Variants in CALN1 observed in about 807,000 individuals in gnomAD.
CALN1 encodes the protein calneuron 1.
Under a neutral mutation model 30.6 loss-of-function variants are expected in CALN1, and 17 were observed. The observed-to-expected ratio is 0.56, with a 90% confidence interval of 0.38 to 0.83. The LOEUF is 0.83. Among genes scored for constraint, CALN1 ranks in the 40% least tolerant of loss-of-function variants. CALN1 has a pLI of 0.00. For missense variants in CALN1, 291 were observed against 354.9 expected, an observed-to-expected ratio of 0.82 and a Z score of 1.45; for synonymous variants, 156 against 131.4, an observed-to-expected ratio of 1.19 and a Z score of -1.28.
chr7:72,473,334 A>G, the CALN1 span, among the ~76,000 whole-genome samples: 1 of 151,790 alleles, frequency 6.6e-6, no homozygotes, highest in African/African-American at 2.4e-5. Flanking sequence ...CTGAGCTGTG[A>G]TACTCCCTTT....
intron 2 of CALN1, among the ~76,000 whole-genome samples, chr7:72,371,157 C>T (rs1391701664): frequency 2.6e-5 from 4 of 151,528 alleles, no homozygotes; most frequent in South Asian, 2.1e-4. Context: ...ATTTGCCTAA[C>T]CTAGGGTTGC....
rs184864448 is a variant in CALN1 at position 71,876,489 on chromosome 7, T to C, written c.502-65997A>G. On this transcript the variant is annotated intron_variant, in intron 5 of 6. Transcript: ENST00000395275. ...GCCAAATAAACTTTTCTTGATAAAT[T>C]ATCCAGTCTCAGCTATTCTGTTATA... is the stretch of plus-strand genomic sequence containing the variant. Among the ~76,000 whole-genome samples, 14 of 152,334 alleles carry C rather than the reference T, an allele frequency of 9.2e-5. No individual in the cohort carries two copies. The East Asian group carries it at 2.7e-3, about 29-fold the overall frequency.
chr7:71,830,690 C>T lies in CALN1; in HGVS notation c.502-20198G>A, dbSNP rs143901258. Reference sequence around the variant, plus strand: ...TAGTAATAAACTGAGAAAAAGTCCTCGAACTTGGTTCTTACTCAGATACCA... The same window carrying T: ...TAGTAATAAACTGAGAAAAAGTCCTTGAACTTGGTTCTTACTCAGATACCA... On this transcript the variant is annotated intron_variant, in intron 5 of 6. Transcript: ENST00000395275. Among the ~76,000 whole-genome samples the T allele has an allele frequency of 1.8e-4, 28 of 152,256 alleles. No homozygotes were observed. In the East Asian group the frequency reaches 1.9e-3, roughly 11 times the overall value.
intron 3 of CALN1, among the ~76,000 whole-genome samples, chr7:72,219,941 A>AT (rs1793152396): frequency 6.6e-6 from 1 of 152,174 alleles, no homozygotes; most frequent in Admixed American, 6.6e-5. Context: ...TTAGCCTCCT[A>AT]TAAAAAAAAA....
chr7:72,431,977 T>G (rs776982623), intron 1 of CALN1, among the ~76,000 whole-genome samples: 1 of 152,188 alleles, frequency 6.6e-6, no homozygotes, highest in Admixed American at 6.5e-5. Flanking sequence ...CTTGCCATCA[T>G]GAACTGTGAG....
intron 2 of CALN1, among the ~76,000 whole-genome samples, chr7:72,394,732 G>A (rs1229595004): frequency 6.7e-6 from 1 of 150,204 alleles, no homozygotes; most frequent in East Asian, 2.0e-4. Flanking sequence ...CGCAATCGTA[G>A]CTCACTGCAG....
intron 2 of CALN1, among the ~76,000 whole-genome samples, chr7:72,375,109 A>G (rs1382326359): frequency 6.6e-6 from 1 of 152,336 alleles, no homozygotes; most frequent in East Asian, 1.9e-4. Flanking sequence ...TTATTGCTGC[A>G]TAAAAAATTA....
chr7:72,116,320 C>G (rs1033329954), intron 3 of CALN1, among the ~76,000 whole-genome samples: 2 of 152,154 alleles, frequency 1.3e-5, no homozygotes, highest in Admixed American at 1.3e-4. Flanking sequence ...TTAAATGAGA[C>G]TAGCCTGGAC....
At chr7:72,319,606 T>A (rs575072570) in intron 2 of CALN1, among the ~76,000 whole-genome samples, 1 of 152,328 alleles carries the variant, frequency 6.6e-6, no homozygotes, top group East Asian at 1.9e-4. Context: ...AGTAGCACCA[T>A]AGATGGAACA....
rs555683211 is a variant in CALN1 at position 72,212,345 on chromosome 7, G to A, written c.244+66341C>T. ...AGCCTGGGCAACAGAGCAACACACC[G>A]TCTCAAAAAAAAAAAAAAAAAATAC... On this transcript the variant is annotated intron_variant, in intron 3 of 6. Transcript: ENST00000395275. Among the ~76,000 whole-genome samples the A allele has an allele frequency of 1.6e-4, 15 of 96,052 alleles. No individual in the cohort carries two copies. The South Asian group carries it at 2.6e-3, about 17-fold the overall frequency. The allele number at this position is 96,052 out of a possible 152,430, so 63.0% of individuals were successfully genotyped here.
At chr7:71,888,431 T>C (rs1481842078) in intron 5 of CALN1, among the ~76,000 whole-genome samples, 2 of 130,026 alleles carry the variant, frequency 1.5e-5, no homozygotes, top group Middle Eastern at 4.0e-3. Context: ...GAAGCCATTA[T>C]CGAGAGAGAG....
At chr7:72,246,981 C>T (rs1030365780) in intron 3 of CALN1, among the ~76,000 whole-genome samples, 7 of 151,864 alleles carry the variant, frequency 4.6e-5, no homozygotes, top group African/African-American at 7.3e-5. Context: ...CTCGAACTCC[C>T]GACCTCAGGT....
chr7:71,984,216 A>AG lies in CALN1; in HGVS notation c.501+39440dup, dbSNP rs1189068208. Among the ~76,000 whole-genome samples, 19 of 152,240 alleles carry AG rather than the reference A, an allele frequency of 1.2e-4. 1 individual carries two copies. The East Asian group carries it at 3.3e-3, about 26-fold the overall frequency. On this transcript the variant is annotated intron_variant, in intron 5 of 6. Coordinates refer to ENST00000395275, the MANE Select transcript of CALN1 (RefSeq NM_031468.4). ...AGTGGAGGGTGGAAGAGAGAGAGTG[A>AG]GGGGGGAACAGGCAGAAGTGTGAAA...
chr7:72,012,764 C>CA (rs1443514904), intron 5 of CALN1, among the ~76,000 whole-genome samples: 1 of 152,078 alleles, frequency 6.6e-6, no homozygotes, highest in African/African-American at 2.4e-5. Context: ...TGGCAGCTGG[C>CA]AGCTGCATTA....
At chr7:72,061,556 T>C (rs927467140) in intron 4 of CALN1, among the ~76,000 whole-genome samples, 29 of 151,384 alleles carry the variant, frequency 1.9e-4, no homozygotes, top group African/African-American at 5.8e-4. Flanking sequence ...AGAAGCTCTA[T>C]AGAGGGGCTC....
At chr7:71,967,195 T>C (rs899904787) in intron 5 of CALN1, among the ~76,000 whole-genome samples, 1 of 152,162 alleles carries the variant, frequency 6.6e-6, no homozygotes, top group African/African-American at 2.4e-5. Context: ...TTAGATAAGA[T>C]GCATAAAGCA....
At chr7:71,891,830 G>T (rs1281460122) in intron 5 of CALN1, among the ~76,000 whole-genome samples, 2 of 152,138 alleles carry the variant, frequency 1.3e-5, no homozygotes, top group South Asian at 2.1e-4. Flanking sequence ...TGTAATCCCA[G>T]CTACTCTGGA....
intron 2 of CALN1, among the ~76,000 whole-genome samples, chr7:72,347,839 G>A (rs562674190): frequency 2.6e-5 from 4 of 152,276 alleles, no homozygotes; most frequent in African/African-American, 9.6e-5. Context: ...GCCATTGAAA[G>A]TAATGGCAGT....
chr7:72,379,079 T>C (rs1804737541), intron 2 of CALN1, among the ~76,000 whole-genome samples: 2 of 152,228 alleles, frequency 1.3e-5, no homozygotes, highest in South Asian at 2.1e-4. Flanking sequence ...TTTTATATAA[T>C]ATTTTTTCAT....
Sources: allele counts gnomAD v4.1 joint callset (sites outside exome capture counted in the v4.1 genomes callset), GRCh38; gene constraint gnomAD v4.1.1; transcripts MANE v1.5; gene names NCBI Gene and HGNC (gene_info 2026-07-23, HGNC 2026-07-21).